VPS13B: variants seen among roughly 807,000 people sequenced by gnomAD.
VPS13B encodes the protein intermembrane lipid transfer protein VPS13B.
Under a neutral mutation model 426.4 loss-of-function variants are expected in VPS13B, and 285 were observed. The observed-to-expected ratio is 0.67, with a 90% confidence interval of 0.61 to 0.74. The LOEUF is 0.74. VPS13B is among the 30% of genes least tolerant of loss of function. VPS13B has a pLI of 0.00. For synonymous variants in VPS13B, 1,676 were observed against 1,676.4 expected, an observed-to-expected ratio of 1.00 and a Z score of 0.01; for missense variants, 4,537 against 4,782.6, an observed-to-expected ratio of 0.95 and a Z score of 1.51.
At chr8:99,377,622 C>T (rs1813558442) in intron 19 of VPS13B, among the ~76,000 whole-genome samples, 1 of 152,196 alleles carries the variant, frequency 6.6e-6, no homozygotes, top group South Asian at 2.1e-4. Context: ...GAACCAGCCC[C>T]TGATAATTCA....
chr8:99,551,536 T>C (rs1430938467), intron 30 of VPS13B, among the ~76,000 whole-genome samples: 1 of 151,980 alleles, frequency 6.6e-6, no homozygotes, highest in Non-Finnish European at 1.5e-5. Flanking sequence ...GCTTTCTACT[T>C]GCCCAACTTT....
chr8:99,736,051 T>C (rs76442360), intron 39 of VPS13B, among the ~76,000 whole-genome samples: 2,973 of 152,234 alleles, frequency 0.02, 104 homozygotes, highest in African/African-American at 0.068. Flanking sequence ...GGTAAAAACA[T>C]TTGTTTTTTA....
chr8:99,304,897 A>G lies in VPS13B; in HGVS notation c.2824+29643A>G, dbSNP rs150444565. On this transcript the variant is annotated intron_variant, in intron 19 of 61. Coordinates refer to ENST00000357162, the MANE Select transcript of VPS13B (RefSeq NM_152564.5). ...GCCCCCCTCCCAATGTTTTCTGTAT[A>G]AAGTTCAGACTTCTTAGCAGGACAA... is the stretch of plus-strand genomic sequence containing the variant. Among the ~76,000 whole-genome samples, 92 of 152,174 alleles carry G rather than the reference A, an allele frequency of 6.0e-4. 1 individual carries two copies. The highest frequency in any genetic ancestry group is 1.9e-3 in the African/African-American group (79 of 41,542).
At chr8:99,290,579 C>T (rs1033339483) in intron 19 of VPS13B, among the ~76,000 whole-genome samples, 2 of 150,968 alleles carry the variant, frequency 1.3e-5, no homozygotes, top group Non-Finnish European at 2.9e-5. Flanking sequence ...GGGTGCAGCA[C>T]ACCAACATGG....
At chr8:99,021,620 C>CA (rs112750710) in intron 2 of VPS13B, among the ~76,000 whole-genome samples, 12,229 of 142,188 alleles carry the variant, frequency 0.086, 844 homozygotes, top group African/African-American at 0.19. Flanking sequence ...GACTCCATCT[C>CA]AAAAAAAAAA....
chr8:99,874,915 G>T (rs1284103319), intron 61 of VPS13B: 1 of 156,956 alleles, frequency 6.4e-6, no homozygotes, highest in East Asian at 1.9e-4. Flanking sequence ...AGTTCAAAAG[G>T]TTTTTTAATG....
rs183582964 is a variant in VPS13B at position 99,372,022 on chromosome 8, C to T, written c.2825-12186C>T. 4.6e-4 allele frequency among the ~76,000 whole-genome samples: 70 copies of T among 152,096 alleles called. 1 individual carries two copies. The East Asian group carries it at 6.8e-3, about 15-fold the overall frequency. ...ATCCCAGCACTTTGGGAGGCCGAGG[C>T]GGGCGGATCACGAGGTCAGGAGATC... On this transcript the variant is annotated intron_variant, in intron 19 of 61. Coordinates refer to ENST00000357162, the MANE Select transcript of VPS13B (RefSeq NM_152564.5).
At chr8:99,223,229 C>G (rs1009518319) in intron 17 of VPS13B, among the ~76,000 whole-genome samples, 1 of 151,998 alleles carries the variant, frequency 6.6e-6, no homozygotes, top group Non-Finnish European at 1.5e-5. Flanking sequence ...TATTTATACA[C>G]ATGATTTCAA....
Position 99,431,673 on chromosome 8 carries a change from A to C in VPS13B, c.3210+9A>C, listed in dbSNP as rs1430245354. The C allele has an allele frequency of 6.2e-7, 1 of 1,611,598 alleles. No homozygotes were observed. The highest frequency in any genetic ancestry group is 2.2e-5 in the East Asian group (1 of 44,666). On this transcript the variant is annotated intron_variant, in intron 22 of 61. Transcript: ENST00000357162. ...AGCATCTCACACTACAGGTAAAATA[A>C]AAGTTAGAAATATTATGGATATAAT...
At chr8:99,846,065 T>C (rs1343976313) in intron 54 of VPS13B, among the ~76,000 whole-genome samples, 1 of 152,208 alleles carries the variant, frequency 6.6e-6, no homozygotes, top group Non-Finnish European at 1.5e-5. Context: ...AGAGAAGAGC[T>C]AGACATGTGT....
chr8:99,034,550 C>T (rs986097480), intron 2 of VPS13B, among the ~76,000 whole-genome samples: 1 of 151,934 alleles, frequency 6.6e-6, no homozygotes, highest in Admixed American at 6.6e-5. Flanking sequence ...AACAGATATA[C>T]AGTCTTCTGA....
intron 39 of VPS13B, 115 bp from the exon 40 acceptor site, chr8:99,766,659 T>G (rs1194435429): frequency 1.2e-6 from 1 of 856,710 alleles, no homozygotes; most frequent in Non-Finnish European, 1.8e-6. Flanking sequence ...TATAACCTTA[T>G]TCTCCTCTAA....
At chr8:99,870,734 A>G (rs918100180) in intron 59 of VPS13B, 51 bp from the exon 60 acceptor site, 2 of 1,529,314 alleles carry the variant, frequency 1.3e-6, no homozygotes, top group Non-Finnish European at 1.8e-6. Flanking sequence ...GCAGCATGAA[A>G]CTGTTTTCCA....
At chr8:99,593,498 G>A (rs1826800895) in intron 33 of VPS13B, among the ~76,000 whole-genome samples, 1 of 152,102 alleles carries the variant, frequency 6.6e-6, no homozygotes, top group Non-Finnish European at 1.5e-5. Context: ...AGACAGTGTG[G>A]TGATTCTTCA....
chr8:99,117,790 G>A (rs2071490629), intron 7 of VPS13B, among the ~76,000 whole-genome samples: 1 of 152,126 alleles, frequency 6.6e-6, no homozygotes, highest in Non-Finnish European at 1.5e-5. Context: ...GCGGGGAGGA[G>A]AGAATGACTG....
At chr8:99,513,580 G>A (rs962921490) in intron 29 of VPS13B, among the ~76,000 whole-genome samples, 3 of 152,092 alleles carry the variant, frequency 2.0e-5, no homozygotes, top group Admixed American at 1.3e-4. Context: ...ATGTAATTGT[G>A]TCTGAATAAT....
At chr8:99,023,258 C>A (rs973700018) in intron 2 of VPS13B, among the ~76,000 whole-genome samples, 11 of 151,786 alleles carry the variant, frequency 7.2e-5, no homozygotes, top group Non-Finnish European at 1.6e-4. Flanking sequence ...TTTTTCTTTA[C>A]CTTCCTAGTA....
At chr8:99,024,559 T>C (rs902077580) in intron 2 of VPS13B, among the ~76,000 whole-genome samples, 1 of 152,240 alleles carries the variant, frequency 6.6e-6, no homozygotes, top group Admixed American at 6.5e-5. Flanking sequence ...GGAGAGACTG[T>C]CCTTTCCCTA....
intron 25 of VPS13B, among the ~76,000 whole-genome samples, chr8:99,491,814 G>A (rs927599391): frequency 6.6e-6 from 1 of 152,076 alleles, no homozygotes. Context: ...GAACATGCTC[G>A]TTTTGCTCGG....
Sources: gnomAD v4.1 joint callset for allele counts (sites outside exome capture counted in the v4.1 genomes callset) on GRCh38, gnomAD v4.1.1 for gene constraint, MANE v1.5 for transcripts, NCBI Gene and HGNC (gene_info 2026-07-23, HGNC 2026-07-21) for gene names.